Variants in RPGRIP1L observed in about 807,000 individuals in gnomAD.
The protein encoded by RPGRIP1L is RPGRIP1 like.
A neutral mutation model predicts 160.4 loss-of-function variants in RPGRIP1L; 131 were observed. The ratio of observed to expected loss-of-function variants is 0.82; its 90% CI spans 0.71 to 0.94. The LOEUF is 0.94. RPGRIP1L is among the 40% of genes least tolerant of loss of function. The pLI is 0.00. For missense variants in RPGRIP1L, 1,522 were observed against 1,535.8 expected, an observed-to-expected ratio of 0.99 and a Z score of 0.15; for synonymous variants, 510 against 515.8, an observed-to-expected ratio of 0.99 and a Z score of 0.15.
In RPGRIP1L at chr16:53,674,615, A is replaced by G. The variant is rs575507638; in HGVS notation, c.882+402T>C. ...ACAGAACATGATTACTGACCTATTC[A>G]TTACTTTGGTCTATTGCCAATAATT... On this transcript the variant is annotated intron_variant, in intron 7 of 26. Coordinates refer to ENST00000647211, the MANE Select transcript of RPGRIP1L (RefSeq NM_015272.5). Among the ~76,000 whole-genome samples the G allele has an allele frequency of 2.0e-5, 3 of 152,314 alleles. No homozygotes were observed. In the East Asian group the frequency reaches 5.8e-4, roughly 29 times the overall value.
At chr16:53,682,525 T>A (rs1014042539) in intron 6 of RPGRIP1L, among the ~76,000 whole-genome samples, 1 of 152,122 alleles carries the variant, frequency 6.6e-6, no homozygotes, top group Non-Finnish European at 1.5e-5. Flanking sequence ...AATGATTACA[T>A]CCCTTTGGAA....
intron 19 of RPGRIP1L, 94 bp from the exon 20 acceptor site, chr16:53,638,505 T>C: frequency 4.3e-6 from 3 of 690,078 alleles, no homozygotes; most frequent in East Asian, 2.8e-5. Context: ...CTACTAAAAA[T>C]TGGCAGCAAA....
In RPGRIP1L at chr16:53,665,989, T is replaced by A. The variant is rs144334987; in HGVS notation, c.1104-980A>T. ...GAAAACCATTATCTATGAAGCTTGA[T>A]ATGACTGAATAATCATCAGCAGCTT... On this transcript the variant is annotated intron_variant, in intron 9 of 26. Coordinates refer to ENST00000647211, the MANE Select transcript of RPGRIP1L (RefSeq NM_015272.5). 3.3e-4 allele frequency among the ~76,000 whole-genome samples: 51 copies of A among 152,296 alleles called. No individual in the cohort carries two copies. The East Asian group carries it at 8.9e-3, about 26-fold the overall frequency.
intron 21 of RPGRIP1L, 58 bp from the exon 22 acceptor site, chr16:53,636,570 C>A: frequency 8.5e-7 from 1 of 1,182,446 alleles, no homozygotes; most frequent in South Asian, 1.2e-5. Context: ...TACTTATACC[C>A]TGTAAAATAA....
intron 4 of RPGRIP1L, among the ~76,000 whole-genome samples, chr16:53,690,021 T>C (rs1970279070): frequency 1.3e-5 from 2 of 152,204 alleles, no homozygotes; most frequent in African/African-American, 4.8e-5. Flanking sequence ...CTAGATTAGC[T>C]TGCCATTTTA....
In RPGRIP1L at chr16:53,671,587, A is replaced by T. The variant is rs1968734008; in HGVS notation, c.1030-4T>A. On this transcript the variant is annotated splice_polypyrimidine_tract_variant and splice_region_variant and intron_variant, in intron 8 of 26. Coordinates refer to ENST00000647211, the MANE Select transcript of RPGRIP1L (RefSeq NM_015272.5). ...AATCATTAATTCTATCCTGCAGCTAAAATGAAAATAAAATTACATATTAAG... is the reference window on the plus strand; with the variant it reads ...AATCATTAATTCTATCCTGCAGCTATAATGAAAATAAAATTACATATTAAG... The T allele has an allele frequency of 6.9e-7, 1 of 1,458,086 alleles. No individual in the cohort carries two copies. Among genetic ancestry groups the T allele is most frequent in the Non-Finnish European group, 9.5e-7 (1 of 1,047,454 alleles). The allele number at this position is 1,458,086 out of a possible 1,614,324, so 90.3% of individuals were successfully genotyped here.
In RPGRIP1L at chr16:53,692,320, T is replaced by A. The variant is rs1427012567; in HGVS notation, c.275A>T (p.Tyr92Phe). 2 of 1,614,174 alleles carry A rather than the reference T, an allele frequency of 1.2e-6. No individual in the cohort carries two copies. Among genetic ancestry groups the A allele is most frequent in the Non-Finnish European group, 1.7e-6 (2 of 1,180,020 alleles). ...LIRLVNDKKRYERVGGGPKRL... is the reference protein window; with the variant it reads ...LIRLVNDKKRFERVGGGPKRL... ...CTTGGGGCCGCCACCAACCCGCTCA[T>A]ATCTTTTCTTGTCATTAACTAGCCG... Residue 92 changes from tyrosine to phenylalanine, a missense_variant, in exon 4 of 27, where the codon TAT (tyrosine) becomes TTT (phenylalanine). Coordinates refer to ENST00000647211, the MANE Select transcript of RPGRIP1L (RefSeq NM_015272.5).
chr16:53,605,041 C>A (rs544602310), intron 26 of RPGRIP1L, among the ~76,000 whole-genome samples: 2 of 151,882 alleles, frequency 1.3e-5, no homozygotes, highest in African/African-American at 4.8e-5. Flanking sequence ...ATTAGCCGGG[C>A]ATGGTGATGC....
Position 53,637,874 on chromosome 16 carries a change from C to T in RPGRIP1L, c.3061-20G>A. On this transcript the variant is annotated intron_variant, in intron 20 of 26. Transcript: ENST00000647211. ...TGAAACCTGAAGAAATCAAAGCACA[C>T]TGGTATATTTATAATTGCTTAGATC... The T allele has an allele frequency of 6.2e-7, 1 of 1,607,704 alleles. No homozygotes were observed. Among genetic ancestry groups the T allele is most frequent in the Non-Finnish European group, 8.5e-7 (1 of 1,175,772 alleles).
intron 24 of RPGRIP1L, among the ~76,000 whole-genome samples, chr16:53,612,197 CA>C (rs1964092474): frequency 1.3e-5 from 2 of 152,032 alleles, no homozygotes; most frequent in Non-Finnish European, 2.9e-5. Flanking sequence ...TTAGTGGTTT[CA>C]GAGAAGAATC....
Position 53,637,818 on chromosome 16 carries a change from T to G in RPGRIP1L, c.3097A>C (p.Asn1033His). The change falls in exon 21 of 27, where the codon AAT becomes CAT. Residue 1033 changes from asparagine to histidine, a missense_variant. Asn to His is a moderately conservative substitution (Grantham distance 68). Coordinates refer to ENST00000647211, the MANE Select transcript of RPGRIP1L (RefSeq NM_015272.5). ...QEGSVDEVKE[N>H]TEKMQQGKDD... ...TTTCCTTGCTGCATTTTCTCAGTAT[T>G]CTCTTTTACCTCATCTACACTGCCT... 6.2e-7 allele frequency: 1 copy of G among 1,606,656 alleles called. No individual in the cohort carries two copies. The highest frequency in any genetic ancestry group is 8.5e-7 in the Non-Finnish European group (1 of 1,176,816).
chr16:53,614,044 T>G (rs1964212437), intron 24 of RPGRIP1L, among the ~76,000 whole-genome samples: 1 of 152,224 alleles, frequency 6.6e-6, no homozygotes, highest in Admixed American at 6.5e-5. Context: ...AGTTATTTTG[T>G]TAACACAAGA....
intron 9 of RPGRIP1L, among the ~76,000 whole-genome samples, chr16:53,668,785 T>G (rs964585851): frequency 1.3e-5 from 2 of 152,148 alleles, no homozygotes; most frequent in African/African-American, 2.4e-5. Flanking sequence ...TTGCAAAAAA[T>G]GTATTCTCAA....
At chr16:53,702,994 C>T (rs556291403) in intron 1 of RPGRIP1L, among the ~76,000 whole-genome samples, 49 of 152,268 alleles carry the variant, frequency 3.2e-4, no homozygotes, top group African/African-American at 9.9e-4. Flanking sequence ...ATTGGCTGTG[C>T]GTGGTGGCTC....
chr16:53,625,647 C>T (rs1965094955), intron 22 of RPGRIP1L, among the ~76,000 whole-genome samples: 1 of 152,194 alleles, frequency 6.6e-6, no homozygotes, highest in Non-Finnish European at 1.5e-5. Flanking sequence ...GACGTGTACC[C>T]AACGGCTCAT....
rs774867197 is a variant in RPGRIP1L, at chr16:53,653,026, T to C, written c.1700-39A>G. ...CACACAGTTTAGAGATTTCAAAATA[T>C]TGACATGAGAAAATGAAAACTGGCT... On this transcript the variant is annotated intron_variant, in intron 14 of 26. Transcript: ENST00000647211. The C allele has an allele frequency of 4.6e-6, 7 of 1,537,724 alleles. No homozygotes were observed. The Admixed American group carries it at 8.4e-5, about 18-fold the overall frequency.
intron 22 of RPGRIP1L, among the ~76,000 whole-genome samples, chr16:53,625,804 T>C (rs1965110945): frequency 6.6e-6 from 1 of 151,904 alleles, no homozygotes; most frequent in Admixed American, 6.6e-5. Flanking sequence ...CTAAGAAAAA[T>C]TCTTCTGCCT....
rs1436816285 is a variant in RPGRIP1L at position 53,615,470 on chromosome 16, A to ATTTTTTTTTTTT, written c.3616+3554_3616+3555insAAAAAAAAAAAA. ...TCTAAGAATATATATATATATATAT[A>ATTTTTTTTTTTT]TATTTTTTTTTTTTTTTTTTTGAGA... On this transcript the variant is annotated intron_variant, in intron 24 of 26. Coordinates refer to ENST00000647211, the MANE Select transcript of RPGRIP1L (RefSeq NM_015272.5). Among the ~76,000 whole-genome samples, 4 of 85,266 alleles carry ATTTTTTTTTTTT rather than the reference A, an allele frequency of 4.7e-5. 1 individual carries two copies. Among genetic ancestry groups the ATTTTTTTTTTTT allele is most frequent in the African/African-American group, 2.0e-4 (4 of 19,826 alleles). 55.9% of individuals were successfully genotyped at this position (85,266 alleles called of 152,430 possible).
intron 15 of RPGRIP1L, among the ~76,000 whole-genome samples, chr16:53,650,702 CTCAA>C (rs763930649): frequency 3.3e-5 from 5 of 152,098 alleles, no homozygotes; most frequent in Non-Finnish European, 5.9e-5. Context: ...AATATATTAC[CTCAA>C]TCAATCACTC....
Sources: allele counts gnomAD v4.1 joint callset (sites outside exome capture counted in the v4.1 genomes callset), GRCh38; gene constraint gnomAD v4.1.1; transcripts MANE v1.5; gene names NCBI Gene and HGNC (gene_info 2026-07-23, HGNC 2026-07-21).